The following SLC35F1 variants were observed in gnomAD, a reference collection of about 807,000 sequenced individuals.
SLC35F1 encodes chromosome 6 open reading frame 169.
In SLC35F1, 14 loss-of-function variants were observed where a neutral mutation model predicts 48.7. The ratio of observed to expected loss-of-function variants is 0.29; its 90% CI spans 0.19 to 0.45. The LOEUF (loss-of-function observed/expected upper bound fraction) is 0.45, where lower values mean the gene tolerates loss of function less well. SLC35F1 is among the 20% of genes least tolerant of loss of function. The pLI is 1.00. For missense variants in SLC35F1, 404 were observed against 500.0 expected, an observed-to-expected ratio of 0.81 and a Z score of 1.83; for synonymous variants, 190 against 202.2, an observed-to-expected ratio of 0.94 and a Z score of 0.51.
chr6:118,025,481 C>T lies in SLC35F1; in HGVS notation c.173+117582C>T, dbSNP rs143576545. The stretch of plus-strand genomic sequence containing the variant: ...TCAGATTTTACCAGAAAGTTATTCC[C>T]CTGTGGTTTCCATGCTGTGCTCTTT... On this transcript the variant is annotated intron_variant, in intron 1 of 7. Transcript: ENST00000360388. 1.7e-4 allele frequency among the ~76,000 whole-genome samples: 26 copies of T among 152,242 alleles called. 1 individual carries two copies. Among genetic ancestry groups the T allele is most frequent in the African/African-American group, 6.0e-4 (25 of 41,546 alleles).
intron 1 of SLC35F1, among the ~76,000 whole-genome samples, chr6:117,983,352 G>A (rs1339962326): frequency 5.9e-5 from 9 of 152,062 alleles, no homozygotes; most frequent in Non-Finnish European, 8.8e-5. Context: ...TGAGGCTGGC[G>A]GATCACGAGG....
At chr6:118,026,202 T>C (rs2114888636) in intron 1 of SLC35F1, among the ~76,000 whole-genome samples, 1 of 152,224 alleles carries the variant, frequency 6.6e-6, no homozygotes, top group African/African-American at 2.4e-5. Flanking sequence ...TACTGAATAT[T>C]TGGCGTATGA....
chr6:118,054,520 G>A lies in SLC35F1; in HGVS notation c.174-99925G>A, dbSNP rs376869481. 3.5e-4 allele frequency among the ~76,000 whole-genome samples: 53 copies of A among 152,324 alleles called. No individual in the cohort carries two copies. The South Asian group carries it at 0.011, about 30-fold the overall frequency. ...GGCACAATTACAAACTGGGATTGGA[G>A]AAAGGACATCATTTTCAGGGTCTTG... On this transcript the variant is annotated intron_variant, in intron 1 of 7. Coordinates refer to ENST00000360388, the MANE Select transcript of SLC35F1 (RefSeq NM_001029858.4).
intron 2 of SLC35F1, among the ~76,000 whole-genome samples, chr6:118,228,479 G>C (rs1775247630): frequency 6.6e-6 from 1 of 152,126 alleles, no homozygotes; most frequent in Non-Finnish European, 1.5e-5. Context: ...GAGGCGGGCA[G>C]ATCACTTGAG....
chr6:118,138,617 TTA>T (rs1773833455), intron 1 of SLC35F1, among the ~76,000 whole-genome samples: 2 of 152,180 alleles, frequency 1.3e-5, no homozygotes, highest in African/African-American at 4.8e-5. Flanking sequence ...ATAATCTAAT[TTA>T]TGTTGCTCCA....
At chr6:117,939,276 C>T (rs1447570153) in intron 1 of SLC35F1, among the ~76,000 whole-genome samples, 2 of 152,128 alleles carry the variant, frequency 1.3e-5, no homozygotes, top group Non-Finnish European at 2.9e-5. Context: ...ACTACCCCAC[C>T]AAGGCCTTTC....
At chr6:118,205,720 T>C (rs1774927448) in intron 2 of SLC35F1, among the ~76,000 whole-genome samples, 1 of 152,182 alleles carries the variant, frequency 6.6e-6, no homozygotes, top group South Asian at 2.1e-4. Flanking sequence ...TTATTCATAA[T>C]AGCCAAAGGT....
intron 1 of SLC35F1, among the ~76,000 whole-genome samples, chr6:118,130,936 A>G (rs1773700811): frequency 6.6e-6 from 1 of 152,210 alleles, no homozygotes; most frequent in Non-Finnish European, 1.5e-5. Context: ...GAAATTTTTC[A>G]TGCAATTACT....
rs148198896 is a variant in SLC35F1 at position 118,260,945 on chromosome 6, T to C, written c.478-6050T>C. Among the ~76,000 whole-genome samples the C allele has an allele frequency of 3.8e-3, 576 of 152,338 alleles. 5 individuals carry two copies. Among genetic ancestry groups the C allele is most frequent in the East Asian group, 0.02 (105 of 5,184 alleles). On this transcript the variant is annotated intron_variant, in intron 3 of 7. Coordinates refer to ENST00000360388, the MANE Select transcript of SLC35F1 (RefSeq NM_001029858.4). ...TGTCTCTCTAATGTCTTTGTGATTA[T>C]AACTGAATTTATAAAACTCTGAAGT... is the stretch of plus-strand genomic sequence containing the variant.
chr6:118,014,689 G>T (rs1777295892), intron 1 of SLC35F1, among the ~76,000 whole-genome samples: 2 of 152,108 alleles, frequency 1.3e-5, no homozygotes, highest in African/African-American at 4.8e-5. Flanking sequence ...GGAGAGAAAT[G>T]CCATCTTCTC....
chr6:118,266,089 G>A (rs1046092161), intron 3 of SLC35F1, among the ~76,000 whole-genome samples: 4 of 152,304 alleles, frequency 2.6e-5, no homozygotes, highest in African/African-American at 9.6e-5. Context: ...TTTGGGGAAA[G>A]TTGTTATCTT....
intron 1 of SLC35F1, among the ~76,000 whole-genome samples, chr6:118,082,479 A>G (rs1161970453): frequency 1.3e-5 from 2 of 152,218 alleles, no homozygotes; most frequent in Non-Finnish European, 2.9e-5. Context: ...AGAAACATTG[A>G]ATATTGAATG....
intron 1 of SLC35F1, among the ~76,000 whole-genome samples, chr6:117,943,690 T>G (rs567049548): frequency 1.8e-4 from 27 of 152,318 alleles, no homozygotes; most frequent in African/African-American, 6.5e-4. Flanking sequence ...GAAGTGAACA[T>G]GAGGACTACT....
intron 1 of SLC35F1, among the ~76,000 whole-genome samples, chr6:117,987,197 T>C (rs1776858669): frequency 6.6e-6 from 1 of 152,168 alleles, no homozygotes; most frequent in Admixed American, 6.5e-5. Flanking sequence ...CTCATCTCTT[T>C]GTGCATGGGT....
chr6:118,166,479 G>T (rs764884408), intron 2 of SLC35F1, among the ~76,000 whole-genome samples: 1 of 152,170 alleles, frequency 6.6e-6, no homozygotes, highest in Non-Finnish European at 1.5e-5. Flanking sequence ...TGTTAAACTC[G>T]GGATGATTAT....
At chr6:117,982,186 CA>C (rs770401156) in intron 1 of SLC35F1, among the ~76,000 whole-genome samples, 7 of 151,958 alleles carry the variant, frequency 4.6e-5, no homozygotes, top group Non-Finnish European at 1.0e-4. Flanking sequence ...TTTCTTTTTA[CA>C]TTGATGTGAT....
At chr6:117,998,110 G>T (rs1369802685) in intron 1 of SLC35F1, among the ~76,000 whole-genome samples, 2 of 149,504 alleles carry the variant, frequency 1.3e-5, no homozygotes, top group Non-Finnish European at 3.0e-5. Flanking sequence ...ACAAAAAAAG[G>T]CAGGGGTTGC....
chr6:118,144,577 T>C (rs1773942420), intron 1 of SLC35F1, among the ~76,000 whole-genome samples: 2 of 134,802 alleles, frequency 1.5e-5, no homozygotes, highest in African/African-American at 5.8e-5. Flanking sequence ...TACTCATGTA[T>C]CCCAGAACTT....
At chr6:118,295,365 C>T (rs1348130010) in intron 7 of SLC35F1, among the ~76,000 whole-genome samples, 1 of 152,120 alleles carries the variant, frequency 6.6e-6, no homozygotes, top group African/African-American at 2.4e-5. Context: ...CCAAAAATCA[C>T]CAGGCAGATT....
Sources: gnomAD v4.1 joint callset for allele counts (sites outside exome capture counted in the v4.1 genomes callset) on GRCh38, gnomAD v4.1.1 for gene constraint, MANE v1.5 for transcripts, NCBI Gene and HGNC (gene_info 2026-07-23, HGNC 2026-07-21) for gene names.